Variants in STK32B observed in about 807,000 individuals in gnomAD.
STK32B encodes serine/threonine kinase 32B, also known as serine/threonine-protein kinase 32B.
In STK32B, 43 loss-of-function variants were observed where a neutral mutation model predicts 52.6. That is an observed-to-expected ratio of 0.82 (90% confidence interval 0.64 to 1.05). The LOEUF (loss-of-function observed/expected upper bound fraction) is 1.05. STK32B is among the 50% of genes least tolerant of loss of function. The pLI, the probability that STK32B is intolerant of heterozygous loss-of-function variation, is 0.00. For synonymous variants in STK32B, 238 were observed against 204.3 expected, an observed-to-expected ratio of 1.17 and a Z score of -1.41; for missense variants, 621 against 534.6, an observed-to-expected ratio of 1.16 and a Z score of -1.59.
intron 6 of STK32B, among the ~76,000 whole-genome samples, chr4:5,428,325 G>T (rs560990179): frequency 2.0e-5 from 3 of 152,048 alleles, no homozygotes; most frequent in South Asian, 4.2e-4. Context: ...GGAGAATGGC[G>T]TGAACCCGGG....
the STK32B span, among the ~76,000 whole-genome samples, chr4:5,032,768 C>T: frequency 6.6e-6 from 1 of 152,296 alleles, no homozygotes; most frequent in East Asian, 1.9e-4. Flanking sequence ...AGCTGAAACT[C>T]TGTCCCCATT....
chr4:5,094,644 G>A (rs562650389), intron 1 of STK32B, among the ~76,000 whole-genome samples: 2 of 152,142 alleles, frequency 1.3e-5, no homozygotes, highest in Non-Finnish European at 2.9e-5. Context: ...GACAGAGAGA[G>A]ACCCTGTTGC....
chr4:5,217,982 C>T (rs1255154293), intron 3 of STK32B, among the ~76,000 whole-genome samples: 1 of 152,180 alleles, frequency 6.6e-6, no homozygotes, highest in Non-Finnish European at 1.5e-5. Context: ...TCTAAGAATT[C>T]TTCTTAAAAG....
chr4:5,196,212 G>A (rs1397812454), intron 3 of STK32B, among the ~76,000 whole-genome samples: 2 of 152,098 alleles, frequency 1.3e-5, no homozygotes, highest in African/African-American at 4.8e-5. Context: ...TAGCACAGGT[G>A]GTGCACAGCC....
rs1474501256 is a variant in STK32B, at chr4:5,470,229, C to G, written c.1106+2159C>G. 6.6e-6 allele frequency among the ~76,000 whole-genome samples: 1 copy of G among 152,118 alleles called. No homozygotes were observed. The highest frequency in any genetic ancestry group is 1.5e-5 in the Non-Finnish European group (1 of 68,038). On this transcript the variant is annotated intron_variant, in intron 11 of 11. Coordinates refer to ENST00000282908, the MANE Select transcript of STK32B (RefSeq NM_018401.3). The surrounding 1 kb of genome is among the most constrained non-coding windows in gnomAD (Gnocchi z 4.6). ...CTTCAGCCGAGTAGATGTTTTCTTCCTCACGTGTAAATGGGAATTGATGAG... is the reference window on the plus strand; with the variant it reads ...CTTCAGCCGAGTAGATGTTTTCTTCGTCACGTGTAAATGGGAATTGATGAG...
At position 5,380,752 on chromosome 4, in the gene STK32B, C is replaced by T. The variant is rs931838962; in HGVS notation, c.435-17455C>T. 2.6e-5 allele frequency among the ~76,000 whole-genome samples: 4 copies of T among 152,160 alleles called. No individual in the cohort carries two copies. The highest frequency in any genetic ancestry group is 2.0e-4 in the Admixed American group (3 of 15,284). ...CTGCATTTTCTTTTTGCACTGGACT[C>T]CACCCATTTTGTAGCTGACACTGCT... On this transcript the variant is annotated intron_variant, in intron 4 of 11. Transcript: ENST00000282908. The surrounding 1 kb of genome is among the most constrained non-coding windows in gnomAD (Gnocchi z 4.3).
intron 3 of STK32B, among the ~76,000 whole-genome samples, chr4:5,320,596 G>A (rs1731422821): frequency 6.6e-6 from 1 of 152,166 alleles, no homozygotes; most frequent in African/African-American, 2.4e-5. Context: ...CTAGTGAAAT[G>A]TAAGAACCAA....
chr4:5,466,804 C>T lies in STK32B; in HGVS notation c.1011C>T (p.Ser337=). The change falls in exon 10 of 12, where the codon TCC becomes TCT. Residue 337 remains serine (S), a synonymous_variant. Coordinates refer to ENST00000282908, the MANE Select transcript of STK32B (RefSeq NM_018401.3). ...AGAAGCGATTGGCAAAGAACAGATC[C>T]AGGGATGGCACAAAGGACAGCTGCC... ...KKKKRLAKNR[S]RDGTKDSCPL... is the part of the protein sequence containing the mutation. 6.2e-7 allele frequency: 1 copy of T among 1,613,798 alleles called. No individual in the cohort carries two copies. The highest frequency in any genetic ancestry group is 1.1e-5 in the South Asian group (1 of 91,018).
intron 3 of STK32B, among the ~76,000 whole-genome samples, chr4:5,297,285 G>A (rs113550584): frequency 6.6e-6 from 1 of 152,100 alleles, no homozygotes; most frequent in African/African-American, 2.4e-5. Flanking sequence ...GAGTATCTTA[G>A]TGGTGTTCTC....
chr4:5,406,526 C>T (rs1469207886), intron 5 of STK32B, among the ~76,000 whole-genome samples: 1 of 152,164 alleles, frequency 6.6e-6, no homozygotes, highest in Admixed American at 6.5e-5. Context: ...AGACTTCTAC[C>T]TGGACATCCA....
intron 4 of STK32B, among the ~76,000 whole-genome samples, chr4:5,374,781 G>GGC (rs930720300): frequency 2.1e-5 from 3 of 146,096 alleles, no homozygotes; most frequent in African/African-American, 8.1e-5. Context: ...GACGGGGGCG[G>GGC]GGGGGGAACA....
intron 3 of STK32B, among the ~76,000 whole-genome samples, chr4:5,242,019 C>T (rs1047510990): frequency 2.6e-5 from 4 of 152,112 alleles, no homozygotes; most frequent in African/African-American, 4.8e-5. Context: ...CTATTGTGAA[C>T]AGTGCCACAA....
At chr4:5,203,161 A>G (rs1208416952) in intron 3 of STK32B, among the ~76,000 whole-genome samples, 1 of 152,210 alleles carries the variant, frequency 6.6e-6, no homozygotes. Context: ...TAAATAAAAT[A>G]ATGTATAAAT....
chr4:5,310,715 A>G (rs1388340868), intron 3 of STK32B, among the ~76,000 whole-genome samples: 2 of 152,144 alleles, frequency 1.3e-5, no homozygotes, highest in East Asian at 1.9e-4. Context: ...AAAGAAATCA[A>G]TATGCAGAAG....
intron 3 of STK32B, among the ~76,000 whole-genome samples, chr4:5,326,444 G>A (rs1731878515): frequency 6.6e-6 from 1 of 152,126 alleles, no homozygotes; most frequent in Non-Finnish European, 1.5e-5. Context: ...TCTTTCTTCT[G>A]ACTAGGTGGG....
At chr4:5,193,639 C>T (rs1391814849) in intron 3 of STK32B, among the ~76,000 whole-genome samples, 1 of 152,212 alleles carries the variant, frequency 6.6e-6, no homozygotes. Flanking sequence ...CCTGCTCTTG[C>T]AGAACAGCCC....
chr4:5,170,399 G>C lies in STK32B; in HGVS notation c.260+1949G>C, dbSNP rs898294225. Among the ~76,000 whole-genome samples, 6 of 152,188 alleles carry C rather than the reference G, an allele frequency of 3.9e-5. No individual in the cohort carries two copies. The East Asian group carries it at 1.2e-3, about 29-fold the overall frequency. The stretch of plus-strand genomic sequence containing the variant: ...ATGTATACATGTGACTTGTTGGTGT[G>C]CTGCACCCATTAACTCGTCATTTAA... On this transcript the variant is annotated intron_variant, in intron 3 of 11. Coordinates refer to ENST00000282908, the MANE Select transcript of STK32B (RefSeq NM_018401.3).
At chr4:5,341,447 C>G (rs544055715) in intron 4 of STK32B, among the ~76,000 whole-genome samples, 1 of 152,346 alleles carries the variant, frequency 6.6e-6, no homozygotes, top group South Asian at 2.1e-4. Context: ...CCGAGTGTCC[C>G]TGACCACATT....
chr4:5,431,001 G>T (rs1207250831), intron 6 of STK32B, among the ~76,000 whole-genome samples: 1 of 152,158 alleles, frequency 6.6e-6, no homozygotes, highest in Non-Finnish European at 1.5e-5. Flanking sequence ...TGCTGCTTTG[G>T]TTCAACCTGT....
Sources: gnomAD v4.1 joint callset for allele counts (sites outside exome capture counted in the v4.1 genomes callset) on GRCh38, gnomAD v4.1.1 for gene constraint, Gnocchi (gnomAD v3.1) non-coding constraint, MANE v1.5 for transcripts, NCBI Gene and HGNC (gene_info 2026-07-23, HGNC 2026-07-21) for gene names.